Variants in RSPH14 observed in about 807,000 individuals in gnomAD.
RSPH14 encodes radial spoke head 14 homolog.
Under a neutral mutation model 26.7 loss-of-function variants are expected in RSPH14, and 20 were observed. That is an observed-to-expected ratio of 0.75 (90% confidence interval 0.53 to 1.09). The LOEUF (loss-of-function observed/expected upper bound fraction) is 1.09, where lower values mean the gene tolerates loss of function less well. Ranked by LOEUF, RSPH14 falls within the 50% of genes least tolerant of loss-of-function variation. The probability of loss-of-function intolerance (pLI) is 0.00; values close to 1 mark genes in which losing one functional copy is unlikely to be tolerated. For missense variants in RSPH14, 449 were observed against 457.2 expected, an observed-to-expected ratio of 0.98 and a Z score of 0.16; for synonymous variants, 177 against 189.3, an observed-to-expected ratio of 0.93 and a Z score of 0.53.
At chr22:23,149,972 G>A, upstream of RSPH14, 1 of 1,012,000 alleles carries the variant, frequency 9.9e-7, no homozygotes, top group Non-Finnish European at 1.5e-6. Context: ...AGGAAGGAAG[G>A]CTGGGAAGAT....
chr22:23,095,035 G>C (rs1408806428), intron 4 of RSPH14, among the ~76,000 whole-genome samples: 1 of 152,236 alleles, frequency 6.6e-6, no homozygotes, highest in Non-Finnish European at 1.5e-5. Context: ...CCTGGCTTCA[G>C]GTGGACTGTC....
intron 4 of RSPH14, among the ~76,000 whole-genome samples, chr22:23,086,146 G>A (rs943828278): frequency 2.6e-5 from 4 of 152,200 alleles, no homozygotes; most frequent in African/African-American, 9.7e-5. Flanking sequence ...CATTTTTTAA[G>A]TAAAAAAGGC....
intron 4 of RSPH14, among the ~76,000 whole-genome samples, chr22:23,119,011 A>G (rs74567569): frequency 0.01 from 1,559 of 152,260 alleles, 23 homozygotes; most frequent in African/African-American, 0.036. Context: ...TCAGAGGGCT[A>G]TGAGGCCAGG....
the RSPH14 span, chr22:23,162,256 C>T: frequency 2.2e-4 from 50 of 228,314 alleles, no homozygotes; most frequent in Non-Finnish European, 3.6e-4. Flanking sequence ...GTCCTGCCCT[C>T]CTGGTCCGTG....
intron 4 of RSPH14, chr22:23,122,739 G>A (rs954062654): frequency 6.7e-6 from 2 of 300,346 alleles, no homozygotes; most frequent in East Asian, 6.2e-5. Flanking sequence ...TGGGAAGATG[G>A]GGGGTCCTCG....
chr22:23,144,072 G>A (rs1184441251), upstream of RSPH14, among the ~76,000 whole-genome samples: 5 of 120,038 alleles, frequency 4.2e-5, no homozygotes, highest in African/African-American at 1.3e-4. Context: ...CAGCCTGGGC[G>A]ACAGAGTGAG....
chr22:23,165,818 G>C, the RSPH14 span, among the ~76,000 whole-genome samples: 9 of 152,100 alleles, frequency 5.9e-5, no homozygotes, highest in Non-Finnish European at 1.2e-4. Context: ...TGGCAGCTTG[G>C]GCTTCCTCAC....
At chr22:23,061,720 G>T in intron 6 of RSPH14, 89 bp downstream of exon 6, 1 of 1,533,180 alleles carries the variant, frequency 6.5e-7, no homozygotes, top group South Asian at 1.1e-5. Flanking sequence ...GAGTTTGGGG[G>T]ACGATACCCA....
chr22:23,153,906 C>T, the RSPH14 span, among the ~76,000 whole-genome samples: 1 of 152,018 alleles, frequency 6.6e-6, no homozygotes, highest in Non-Finnish European at 1.5e-5. Context: ...CCATGCTGAT[C>T]TCGAACTCCT....
At chr22:23,100,013 C>T (rs1252482461) in intron 4 of RSPH14, among the ~76,000 whole-genome samples, 1 of 152,286 alleles carries the variant, frequency 6.6e-6, no homozygotes, top group Non-Finnish European at 1.5e-5. Flanking sequence ...CAAATGTTCT[C>T]ATGTGGAAAC....
At chr22:23,168,495 G>A in the RSPH14 span, among the ~76,000 whole-genome samples, 64 of 146,740 alleles carry the variant, frequency 4.4e-4, no homozygotes, top group African/African-American at 1.4e-3. Context: ...ACCGCTCCCC[G>A]CCACACACAC....
chr22:23,129,541 G>A (rs1473647271), intron 4 of RSPH14, among the ~76,000 whole-genome samples: 1 of 150,856 alleles, frequency 6.6e-6, no homozygotes, highest in Non-Finnish European at 1.5e-5. Context: ...ATGAGTCAGG[G>A]TAAAGAAAGA....
intron 4 of RSPH14, among the ~76,000 whole-genome samples, chr22:23,094,786 T>G (rs1248426140): frequency 6.6e-6 from 1 of 152,172 alleles, no homozygotes; most frequent in African/African-American, 2.4e-5. Flanking sequence ...GTGACCCAGC[T>G]CCTGCGGGGG....
At chr22:23,110,667 C>T (rs1412387986) in intron 4 of RSPH14, among the ~76,000 whole-genome samples, 4 of 152,264 alleles carry the variant, frequency 2.6e-5, no homozygotes, top group African/African-American at 9.6e-5. Flanking sequence ...GCTTCACCTG[C>T]CACTGGTCTG....
Position 23,134,064 on chromosome 22 carries a change from A to G in RSPH14, c.383T>C (p.Leu128Pro), listed in dbSNP as rs1487425443. Reference protein sequence around the residue: ...NDPSPVCRGNLYKAYMQLVQV... With the variant: ...NDPSPVCRGNPYKAYMQLVQV... ...GACCAGCTGCATGTATGCCTTGTACAGGTTCCCCCGGCAGACTGGGCTGGG... is the reference window on the plus strand; with the variant it reads ...GACCAGCTGCATGTATGCCTTGTACGGGTTCCCCCGGCAGACTGGGCTGGG... Residue 128 changes from leucine (L) to proline (P), a missense_variant, in exon 4 of 7, where the codon CTG becomes CCG. By Grantham distance (98) the Leu-to-Pro change is moderately conservative (BLOSUM62 -3). Transcript: ENST00000216036. 6 of 1,613,614 alleles carry G rather than the reference A, an allele frequency of 3.7e-6. No homozygotes were observed. In the East Asian group the frequency reaches 1.1e-4, roughly 30 times the overall value.
At chr22:23,162,614 GC>G in the RSPH14 span, 1,049 of 456,144 alleles carry the variant, frequency 2.3e-3, 12 homozygotes, top group African/African-American at 0.015. Context: ...CAGCCTCTCT[GC>G]CCAGTATGCT....
At chr22:23,113,731 C>T (rs1403368222) in intron 4 of RSPH14, among the ~76,000 whole-genome samples, 1 of 152,238 alleles carries the variant, frequency 6.6e-6, no homozygotes, top group Non-Finnish European at 1.5e-5. Context: ...TCGCCCTCTC[C>T]CCACTAGAGA....
At chr22:23,070,928 C>T (rs2068351857) in intron 4 of RSPH14, among the ~76,000 whole-genome samples, 1 of 152,008 alleles carries the variant, frequency 6.6e-6, no homozygotes, top group Non-Finnish European at 1.5e-5. Context: ...GGAGCCCGGG[C>T]GGGCCAGGCG....
At chr22:23,143,382 T>C (rs571020002), upstream of RSPH14, among the ~76,000 whole-genome samples, 7 of 152,214 alleles carry the variant, frequency 4.6e-5, no homozygotes, top group South Asian at 1.5e-3. Context: ...GATATGCTTC[T>C]TTCTGCATTC....
Sources: allele counts gnomAD v4.1 joint callset (sites outside exome capture counted in the v4.1 genomes callset), GRCh38; gene constraint gnomAD v4.1.1; transcripts MANE v1.5; gene names NCBI Gene and HGNC (gene_info 2026-07-23, HGNC 2026-07-21).